Variants in USP13 observed in about 807,000 individuals in gnomAD.
USP13 encodes the protein ubiquitin specific peptidase 13.
A neutral mutation model predicts 107.8 loss-of-function variants in USP13; 68 were observed. The observed-to-expected ratio is 0.63, with a 90% CI of 0.52 to 0.77. The LOEUF (loss-of-function observed/expected upper bound fraction) is 0.77. USP13 is among the 30% of genes least tolerant of loss of function. The pLI is 0.00. For synonymous variants in USP13, 377 were observed against 389.5 expected (o/e 0.97, Z 0.38); for missense variants, 945 against 1,093.3 (o/e 0.86, Z 1.91).
At chr3:179,667,952 C>T (rs372477565) in intron 1 of USP13, among the ~76,000 whole-genome samples, 4 of 152,062 alleles carry the variant, frequency 2.6e-5, no homozygotes, top group South Asian at 4.2e-4. Flanking sequence ...CCGGCTGATT[C>T]GGTTTTATAC....
Position 179,706,797 on chromosome 3 carries a change from G to C in USP13, c.478-137G>C. 5 of 1,026,138 alleles carry C rather than the reference G, an allele frequency of 4.9e-6. No individual in the cohort carries two copies. In the Admixed American group the frequency reaches 1.5e-4, roughly 31 times the overall value. The allele number at this position is 1,026,138 out of a possible 1,614,324, so 63.6% of individuals were successfully genotyped here. On this transcript the variant is annotated intron_variant, in intron 4 of 20. Transcript: ENST00000263966. ...ATCCAGGGAAAGTGCAGGAAAACAG[G>C]ATCCCTCTCTTGCGACAACTACGCT...
chr3:179,780,227 C>T (rs1212838410), intron 19 of USP13, among the ~76,000 whole-genome samples: 1 of 152,122 alleles, frequency 6.6e-6, no homozygotes, highest in Non-Finnish European at 1.5e-5. Flanking sequence ...GAGGTTCTAG[C>T]CATTGCAGTT....
intron 8 of USP13, among the ~76,000 whole-genome samples, chr3:179,728,237 C>T (rs1398849864): frequency 3.3e-5 from 5 of 149,684 alleles, no homozygotes; most frequent in Non-Finnish European, 7.5e-5. Context: ...AGGTGGCTGC[C>T]GGGCAGAGAC....
chr3:179,710,385 A>G (rs1428799031), intron 6 of USP13, among the ~76,000 whole-genome samples: 1 of 152,182 alleles, frequency 6.6e-6, no homozygotes, highest in African/African-American at 2.4e-5. Context: ...GGGGACAATA[A>G]TTCAGATTTT....
chr3:179,672,030 C>G (rs1178330688), intron 1 of USP13, among the ~76,000 whole-genome samples: 1 of 152,206 alleles, frequency 6.6e-6, no homozygotes, highest in East Asian at 1.9e-4. Context: ...CCCTTCCTGT[C>G]TTCCAGTGGG....
intron 19 of USP13, 100 bp downstream of exon 19, chr3:179,765,948 C>A: frequency 3.8e-5 from 45 of 1,185,832 alleles, no homozygotes; most frequent in Middle Eastern, 2.0e-4. Flanking sequence ...TGCCATCATT[C>A]AAAAGTTAGC....
intron 7 of USP13, among the ~76,000 whole-genome samples, chr3:179,720,748 A>G (rs796296468): frequency 6.9e-5 from 10 of 145,912 alleles, no homozygotes; most frequent in African/African-American, 2.5e-4. Context: ...TTCTTTTTTG[A>G]TTCCTATTTG....
At chr3:179,744,044 G>T (rs1441409127) in intron 12 of USP13, among the ~76,000 whole-genome samples, 1 of 151,800 alleles carries the variant, frequency 6.6e-6, no homozygotes, top group African/African-American at 2.4e-5. Context: ...TGCTTGGGAG[G>T]TTCCTCTTTT....
chr3:179,754,430 T>C (rs898054190), intron 14 of USP13, among the ~76,000 whole-genome samples: 1 of 152,236 alleles, frequency 6.6e-6, no homozygotes, highest in Non-Finnish European at 1.5e-5. Flanking sequence ...GTCCACACTT[T>C]TAAAATATCA....
chr3:179,684,920 T>A (rs1416917069), intron 2 of USP13, among the ~76,000 whole-genome samples: 1 of 152,170 alleles, frequency 6.6e-6, no homozygotes, highest in Non-Finnish European at 1.5e-5. Flanking sequence ...GGGATTTTGA[T>A]GACAATCACA....
chr3:179,665,033 G>A (rs1442786026), intron 1 of USP13, among the ~76,000 whole-genome samples: 1 of 152,130 alleles, frequency 6.6e-6, no homozygotes, highest in Non-Finnish European at 1.5e-5. Context: ...GGTGCAGTGA[G>A]CCAAGATCGC....
In USP13 at chr3:179,678,325, G is replaced by T. The variant is rs1227768595; in HGVS notation, c.169-3553G>T. 6.6e-6 allele frequency among the ~76,000 whole-genome samples: 1 copy of T among 152,136 alleles called. No homozygotes were observed. The highest frequency in any genetic ancestry group is 2.4e-5 in the African/African-American group (1 of 41,422). ...GAACATGTTTATTTAGAAAACTCTT[G>T]AAAATACTTACCTAATCTGTTGATT... On this transcript the variant is annotated intron_variant, in intron 1 of 20. Coordinates refer to ENST00000263966, the MANE Select transcript of USP13 (RefSeq NM_003940.3). This position sits in a 1 kb window ranked among gnomAD's most constrained non-coding sequence, Gnocchi z 4.2.
At chr3:179,705,954 C>T (rs1427517184) in intron 4 of USP13, among the ~76,000 whole-genome samples, 1 of 152,162 alleles carries the variant, frequency 6.6e-6, no homozygotes, top group Non-Finnish European at 1.5e-5. Flanking sequence ...AACTCCTGAC[C>T]TCAAGTGATC....
chr3:179,692,983 A>G (rs1183609388), intron 3 of USP13, among the ~76,000 whole-genome samples: 1 of 152,194 alleles, frequency 6.6e-6, no homozygotes, highest in Non-Finnish European at 1.5e-5. Context: ...GCAAGATTTC[A>G]TATCTTAGAA....
chr3:179,757,066 CAAT>C lies in USP13; in HGVS notation c.1937_1939del (p.Gln646del). 6.2e-7 allele frequency: 1 copy of C among 1,613,936 alleles called. No homozygotes were observed. The highest frequency in any genetic ancestry group is 8.5e-7 in the Non-Finnish European group (1 of 1,179,850). On this transcript the variant is annotated inframe_deletion, in exon 16 of 21. Coordinates refer to ENST00000263966, the MANE Select transcript of USP13 (RefSeq NM_003940.3). The stretch of plus-strand genomic sequence containing the variant: ...TTAATTTCCAGATCGCCTGATGAAC[CAAT>C]TGATAGACCGTATGTATCTTTAAAA...
Position 179,742,314 on chromosome 3 carries a change from C to A in USP13, c.1498C>A (p.Gln500Lys), listed in dbSNP as rs1714233484. 1 of 1,614,096 alleles carries A rather than the reference C, an allele frequency of 6.2e-7. No homozygotes were observed. The highest frequency in any genetic ancestry group is 8.5e-7 in the Non-Finnish European group (1 of 1,180,046). ...RYTERVDYLM[Q>K]LPVAMEAATN... ...CACGGAGAGGGTGGATTACCTGATG[C>A]AGTTACCTGTGGCCATGGAGGCGGC... Residue 500 changes from glutamine (Q) to lysine (K), a missense_variant, in exon 12 of 21, where the codon CAG becomes AAG. Physicochemically the swap from Gln to Lys is moderately conservative, Grantham distance 53. Coordinates refer to ENST00000263966, the MANE Select transcript of USP13 (RefSeq NM_003940.3). The surrounding 1 kb of genome is among the most constrained non-coding windows in gnomAD (Gnocchi z 5.0).
At chr3:179,689,583 A>C (rs1032167778) in intron 2 of USP13, among the ~76,000 whole-genome samples, 44 of 151,714 alleles carry the variant, frequency 2.9e-4, no homozygotes, top group Non-Finnish European at 5.9e-4. Flanking sequence ...GCTTGAACCC[A>C]GGAGGCGGAG....
At chr3:179,760,308 G>T (rs1244558442) in intron 16 of USP13, among the ~76,000 whole-genome samples, 1 of 145,158 alleles carries the variant, frequency 6.9e-6, no homozygotes, top group Non-Finnish European at 1.5e-5. Context: ...TTTTGAGACG[G>T]AGTCTCACTC....
At chr3:179,673,171 T>C (rs1338784604) in intron 1 of USP13, among the ~76,000 whole-genome samples, 2 of 152,182 alleles carry the variant, frequency 1.3e-5, no homozygotes, top group Admixed American at 1.3e-4. Flanking sequence ...TGAGTTTTAT[T>C]TTGAGAATTC....
Sources: allele counts gnomAD v4.1 joint callset (sites outside exome capture counted in the v4.1 genomes callset), GRCh38; gene constraint gnomAD v4.1.1; non-coding constraint Gnocchi (gnomAD v3.1); transcripts MANE v1.5; gene names NCBI Gene and HGNC (gene_info 2026-07-23, HGNC 2026-07-21).